CTNNA3: variants seen among roughly 807,000 people sequenced by gnomAD.
CTNNA3 encodes catenin alpha-3.
In CTNNA3, 76 loss-of-function variants were observed where a neutral mutation model predicts 95.7. The ratio of observed to expected loss-of-function variants is 0.79; its 90% CI spans 0.66 to 0.96. The LOEUF (loss-of-function observed/expected upper bound fraction) is 0.96, where lower values mean the gene tolerates loss of function less well. Ranked by LOEUF, CTNNA3 falls within the 40% of genes least tolerant of loss-of-function variation. The probability of loss-of-function intolerance (pLI) is 0.00; values close to 1 mark genes in which losing one functional copy is unlikely to be tolerated. For missense variants in CTNNA3, 1,191 were observed against 1,089.8 expected, an observed-to-expected ratio of 1.09 and a Z score of -1.31; for synonymous variants, 431 against 374.4, an observed-to-expected ratio of 1.15 and a Z score of -1.74.
intron 13 of CTNNA3, among the ~76,000 whole-genome samples, chr10:66,109,047 C>T (rs1444877077): frequency 6.6e-6 from 1 of 152,156 alleles, no homozygotes; most frequent in South Asian, 2.1e-4. Context: ...ATAATCAGTA[C>T]TAACTTGCCC....
chr10:66,966,251 A>G (rs1849404082), intron 7 of CTNNA3, among the ~76,000 whole-genome samples: 2 of 152,178 alleles, frequency 1.3e-5, no homozygotes, highest in Non-Finnish European at 2.9e-5. Flanking sequence ...TAGGAAAAAT[A>G]AGTTCCTTTT....
At chr10:66,378,358 C>T (rs1260213203) in intron 12 of CTNNA3, among the ~76,000 whole-genome samples, 1 of 151,908 alleles carries the variant, frequency 6.6e-6, no homozygotes, top group Non-Finnish European at 1.5e-5. Flanking sequence ...ATCACAGATG[C>T]ACCATCACCC....
chr10:66,270,398 G>A (rs147879784), intron 13 of CTNNA3, among the ~76,000 whole-genome samples: 2 of 152,076 alleles, frequency 1.3e-5, no homozygotes, highest in African/African-American at 4.8e-5. Flanking sequence ...AGAGACGGGG[G>A]TTTCACCATG....
intron 9 of CTNNA3, among the ~76,000 whole-genome samples, chr10:66,692,410 G>GA (rs1303262330): frequency 8.5e-5 from 13 of 152,202 alleles, no homozygotes; most frequent in Non-Finnish European, 1.3e-4. Flanking sequence ...GAAGTTTAGA[G>GA]AAAAAAGAAC....
In CTNNA3 at chr10:66,135,228, C is replaced by T. The variant is rs148074100; in HGVS notation, c.1885-31979G>A. On this transcript the variant is annotated intron_variant, in intron 13 of 17. Transcript: ENST00000433211. ...GTTTTGATGACTAAATATAATTCTT[C>T]ACTACAAGGAACTAGAACTGTTTGG... Among the ~76,000 whole-genome samples, 333 of 152,208 alleles carry T rather than the reference C, an allele frequency of 2.2e-3. 2 individuals carry two copies. Among genetic ancestry groups the T allele is most frequent in the African/African-American group, 7.4e-3 (308 of 41,544 alleles).
chr10:67,358,804 A>T (rs1399343232), intron 5 of CTNNA3, among the ~76,000 whole-genome samples: 1 of 151,882 alleles, frequency 6.6e-6, no homozygotes. Flanking sequence ...CCCACCAGGG[A>T]CCCCCTTGGG....
In CTNNA3 at chr10:67,235,768, G is replaced by C. The variant is rs376955057; in HGVS notation, c.580-15898C>G. On this transcript the variant is annotated intron_variant, in intron 5 of 17. Coordinates refer to ENST00000433211, the MANE Select transcript of CTNNA3 (RefSeq NM_013266.4). ...GAAAATTTTTGCAATCTACTCATCT[G>C]ACAAAGGGCTAATATCCAGAATCTA... 6.1e-3 allele frequency among the ~76,000 whole-genome samples: 884 copies of C among 144,086 alleles called. 42 individuals are homozygous for C. The highest frequency in any genetic ancestry group is 0.021 in the Middle Eastern group (6 of 290). 94.5% of individuals were successfully genotyped at this position (144,086 alleles called of 152,430 possible).
At chr10:67,247,471 T>G (rs1424391052) in intron 5 of CTNNA3, among the ~76,000 whole-genome samples, 1 of 152,172 alleles carries the variant, frequency 6.6e-6, no homozygotes, top group Non-Finnish European at 1.5e-5. Context: ...ATGAGTATAT[T>G]GAAAACTACA....
At chr10:66,991,674 C>T (rs1205822780) in intron 7 of CTNNA3, among the ~76,000 whole-genome samples, 1 of 152,088 alleles carries the variant, frequency 6.6e-6, no homozygotes, top group African/African-American at 2.4e-5. Context: ...GCCTCAGCCT[C>T]CTGAGTAGCT....
chr10:66,140,014 C>T (rs907728813), intron 13 of CTNNA3, among the ~76,000 whole-genome samples: 2 of 152,280 alleles, frequency 1.3e-5, no homozygotes, highest in South Asian at 2.1e-4. Context: ...TGTAACTGCA[C>T]GCTCCATGTC....
intron 5 of CTNNA3, among the ~76,000 whole-genome samples, chr10:67,299,895 AT>A (rs780194074): frequency 2.8e-4 from 42 of 152,276 alleles, no homozygotes; most frequent in Middle Eastern, 3.4e-3. Context: ...ATAAGGCAGA[AT>A]TTTTCTGCCT....
chr10:66,409,737 A>G (rs1226676490), intron 11 of CTNNA3, among the ~76,000 whole-genome samples: 1 of 152,194 alleles, frequency 6.6e-6, no homozygotes, highest in Non-Finnish European at 1.5e-5. Context: ...CAGGATCGAT[A>G]ATATTTTTAT....
intron 10 of CTNNA3, among the ~76,000 whole-genome samples, chr10:66,558,274 A>T (rs1180386121): frequency 6.6e-6 from 1 of 152,142 alleles, no homozygotes; most frequent in Non-Finnish European, 1.5e-5. Flanking sequence ...TGCCAACTCC[A>T]ATCTTTTACA....
At chr10:67,418,817 T>G (rs1845637217) in intron 5 of CTNNA3, among the ~76,000 whole-genome samples, 1 of 152,194 alleles carries the variant, frequency 6.6e-6, no homozygotes, top group African/African-American at 2.4e-5. Context: ...CAACGTATTG[T>G]ATTTTTGGAA....
chr10:66,776,413 A>G (rs1214878612), intron 7 of CTNNA3, among the ~76,000 whole-genome samples: 1 of 152,206 alleles, frequency 6.6e-6, no homozygotes, highest in Non-Finnish European at 1.5e-5. Flanking sequence ...TTACAGCACG[A>G]ACTCAATGAA....
chr10:66,819,961 T>C (rs1842243289), intron 7 of CTNNA3, among the ~76,000 whole-genome samples: 1 of 151,800 alleles, frequency 6.6e-6, no homozygotes, highest in Admixed American at 6.6e-5. Context: ...TACCAGCTCA[T>C]CCAGCAATTC....
chr10:67,293,820 T>C (rs886398584), intron 5 of CTNNA3, among the ~76,000 whole-genome samples: 3 of 152,090 alleles, frequency 2.0e-5, no homozygotes, highest in Admixed American at 6.5e-5. Flanking sequence ...TCCAGCTTCA[T>C]CCATGTCCCT....
At chr10:67,537,801 A>G (rs1264351858) in intron 4 of CTNNA3, among the ~76,000 whole-genome samples, 1 of 152,164 alleles carries the variant, frequency 6.6e-6, no homozygotes, top group East Asian at 1.9e-4. Context: ...TCTGTATTCA[A>G]ATATGAGACA....
At chr10:67,443,451 G>C (rs1413766569) in intron 5 of CTNNA3, among the ~76,000 whole-genome samples, 1 of 150,960 alleles carries the variant, frequency 6.6e-6, no homozygotes, top group African/African-American at 2.4e-5. Flanking sequence ...ATCCTCTCCA[G>C]CACCTGTTGT....
Sources: gnomAD v4.1 joint callset for allele counts (sites outside exome capture counted in the v4.1 genomes callset) on GRCh38, gnomAD v4.1.1 for gene constraint, MANE v1.5 for transcripts, NCBI Gene and HGNC (gene_info 2026-07-23, HGNC 2026-07-21) for gene names.